KIF4A: variants seen among roughly 807,000 people sequenced by gnomAD.
KIF4A encodes the protein chromosome-associated kinesin KIF4A.
Under a neutral mutation model 105.9 loss-of-function variants are expected in KIF4A, and 7 were observed. The ratio of observed to expected loss-of-function variants is 0.07; its 90% CI spans 0.04 to 0.12. The LOEUF is 0.12. KIF4A is among the 10% of genes least tolerant of loss of function. The probability of loss-of-function intolerance (pLI) is 1.00; values close to 1 mark genes in which losing one functional copy is unlikely to be tolerated. For synonymous variants in KIF4A, 281 were observed against 331.3 expected (o/e 0.85, Z 1.65); for missense variants, 558 against 929.2 (o/e 0.60, Z 5.19).
In KIF4A at chrX:70,352,338, CAGG is replaced by C. The variant is rs1441442018; in HGVS notation, c.1432-259_1432-257del. Among the ~76,000 whole-genome samples the C allele has an allele frequency of 2.2e-4, 24 of 111,295 alleles. 1 individual carries two copies. In the Admixed American group the frequency reaches 2.2e-3, roughly 10 times the overall value. On this transcript the variant is annotated intron_variant, in intron 13 of 30. Coordinates refer to ENST00000374403, the MANE Select transcript of KIF4A (RefSeq NM_012310.5). Reference sequence around the variant, plus strand: ...TCTGGCCCAAATGTCTCTGGCAGGGCAGGAGAAGTGCAAGAAATATGTCAGTTG... The same window carrying C: ...TCTGGCCCAAATGTCTCTGGCAGGGCAGAAGTGCAAGAAATATGTCAGTTG...
intron 15 of KIF4A, among the ~76,000 whole-genome samples, chrX:70,369,268 T>C (rs967255543): frequency 2.7e-5 from 3 of 112,195 alleles, no homozygotes; most frequent in Non-Finnish European, 5.6e-5. Flanking sequence ...GCACCCACTC[T>C]CTGACAATCC....
intron 27 of KIF4A, 77 bp from the exon 28 acceptor site, chrX:70,406,816 C>G (rs778821437): frequency 3.7e-5 from 37 of 1,009,438 alleles, no homozygotes; most frequent in Non-Finnish European, 5.0e-5. Context: ...CTGGCAACAG[C>G]TACTGGGAAG....
chrX:70,330,204 C>T lies in KIF4A; in HGVS notation c.943C>T (p.Pro315Ser). ...SHTLMIACVS[P>S]ADSNLEETLN... ...TACTCTTATGATAGCCTGTGTGAGT[C>T]CTGCTGACTCCAATCTAGAGGAAAC... The change falls in exon 9 of 31, where the codon CCT (proline) becomes TCT (serine). Residue 315 changes from proline (P) to serine (S), a missense_variant. Pro to Ser is a moderately conservative substitution (Grantham distance 74). Around this residue, in one of 2 missense-constraint regions of KIF4A, gnomAD observed 89 missense variants for 248.8 expected, o/e 0.36. Transcript: ENST00000374403. 8.3e-7 allele frequency: 1 copy of T among 1,209,768 alleles called. No homozygotes were observed. The highest frequency in any genetic ancestry group is 1.1e-6 in the Non-Finnish European group (1 of 894,324).
At chrX:70,337,531 A>G (rs1007384845) in intron 10 of KIF4A, among the ~76,000 whole-genome samples, 2 of 110,937 alleles carry the variant, frequency 1.8e-5, no homozygotes, top group Admixed American at 1.9e-4. Flanking sequence ...TTAGCTAGGT[A>G]TGATGGTGTG....
In KIF4A at chrX:70,404,037, A is replaced by G. The variant is rs777267542; in HGVS notation, c.2790+3A>G. ...TGGAGCAACAGCACCAAGAGAAGGT[A>G]AACTCTAGCAAGTCAAGAAGCTATA... On this transcript the variant is annotated splice_donor_region_variant and intron_variant, in intron 24 of 30. Transcript: ENST00000374403. The G allele has an allele frequency of 9.1e-6, 11 of 1,209,692 alleles. No individual in the cohort carries two copies. Among genetic ancestry groups the G allele is most frequent in the Non-Finnish European group, 1.2e-5 (11 of 893,624 alleles).
At chrX:70,398,958 C>T (rs894637486) in intron 22 of KIF4A, among the ~76,000 whole-genome samples, 66 of 111,971 alleles carry the variant, frequency 5.9e-4, no homozygotes, top group African/African-American at 2.1e-3. Flanking sequence ...AAAGCAGTGG[C>T]ACCAACCTGA....
intron 7 of KIF4A, among the ~76,000 whole-genome samples, chrX:70,319,553 G>A (rs2085882931): frequency 8.9e-6 from 1 of 111,862 alleles, no homozygotes; most frequent in South Asian, 3.7e-4. Flanking sequence ...CTGTTTCTGA[G>A]TATTCTATTA....
intron 15 of KIF4A, among the ~76,000 whole-genome samples, chrX:70,368,130 G>A (rs1020171628): frequency 9.0e-6 from 1 of 111,648 alleles, no homozygotes; most frequent in Non-Finnish European, 1.9e-5. Flanking sequence ...CTCTGCATTG[G>A]TTATTCTAGT....
Position 70,302,476 on chromosome X carries a change from G to A in KIF4A, c.778+78G>A. 6.2e-6 allele frequency: 6 copies of A among 968,572 alleles called. No homozygotes were observed. In the South Asian group the frequency reaches 1.1e-4, roughly 18 times the overall value. 79.8% of individuals were successfully genotyped at this position (968,572 alleles called of 1,213,427 possible). Reference sequence around the variant, plus strand: ...GTTGGTATTGTTGGTGTTTTCGACTGGGATTTGAGATCACATTCTAACAGT... The same window carrying A: ...GTTGGTATTGTTGGTGTTTTCGACTAGGATTTGAGATCACATTCTAACAGT... On this transcript the variant is annotated intron_variant, in intron 7 of 30. Transcript: ENST00000374403.
chrX:70,350,316 C>T (rs748066659), intron 13 of KIF4A, among the ~76,000 whole-genome samples: 391 of 111,891 alleles, frequency 3.5e-3, no homozygotes, highest in Non-Finnish European at 5.8e-3. Context: ...GAAACCCCGT[C>T]TCCACCAAAA....
chrX:70,311,591 A>G (rs755092774), intron 7 of KIF4A, among the ~76,000 whole-genome samples: 3 of 111,825 alleles, frequency 2.7e-5, no homozygotes, highest in Non-Finnish European at 5.6e-5. Flanking sequence ...TCCCTCTGAT[A>G]TTATTTGAAA....
chrX:70,366,210 C>T (rs984578853), intron 15 of KIF4A, among the ~76,000 whole-genome samples: 6 of 111,344 alleles, frequency 5.4e-5, no homozygotes, highest in Admixed American at 3.8e-4. Flanking sequence ...CTCCTGGATT[C>T]ATTGATTTTT....
intron 22 of KIF4A, among the ~76,000 whole-genome samples, chrX:70,400,464 C>T (rs1466927866): frequency 2.7e-5 from 3 of 111,399 alleles, no homozygotes; most frequent in Non-Finnish European, 5.6e-5. Context: ...AAGGAGGTAC[C>T]GCTTGTTGAG....
intron 9 of KIF4A, 142 bp from the exon 10 acceptor site, chrX:70,333,486 A>G: frequency 2.2e-6 from 1 of 446,354 alleles, no homozygotes. Flanking sequence ...TGCCTTTGGT[A>G]GTATCTAAGG....
chrX:70,406,428 A>C lies in KIF4A; in HGVS notation c.3072+74A>C. 4 of 830,948 alleles carry C rather than the reference A, an allele frequency of 4.8e-6. No individual in the cohort carries two copies. In the South Asian group the frequency reaches 9.5e-5, roughly 20 times the overall value. 68.5% of individuals were successfully genotyped at this position (830,948 alleles called of 1,213,427 possible). A position where few individuals can be genotyped will look rare whatever the true frequency, so the allele number is the denominator to read the frequency against. ...TGAGTGTGCTAAAATTGCCCTTTAT[A>C]AGAGGTTGACAGTTAAAATTCCCAA... On this transcript the variant is annotated intron_variant, in intron 27 of 30. Coordinates refer to ENST00000374403, the MANE Select transcript of KIF4A (RefSeq NM_012310.5).
rs748166090 is a variant in KIF4A at position 70,398,210 on chromosome X, G to A, written c.2489+2161G>A. On this transcript the variant is annotated intron_variant, in intron 22 of 30. Transcript: ENST00000374403. ...ATGGCACCATGCCTGGCTAATTTTT[G>A]TATTTTTAGTAGAGACAGGGTTTCA... is the stretch of plus-strand genomic sequence containing the variant. Among the ~76,000 whole-genome samples, 3 of 111,396 alleles carry A rather than the reference G, an allele frequency of 2.7e-5. No individual in the cohort carries two copies. In the East Asian group the frequency reaches 8.5e-4, roughly 32 times the overall value.
intron 13 of KIF4A, among the ~76,000 whole-genome samples, chrX:70,348,404 G>C (rs1011237737): frequency 9.0e-6 from 1 of 111,233 alleles, no homozygotes; most frequent in African/African-American, 3.3e-5. Context: ...CTCAGAGAGG[G>C]GGATGTGGCA....
intron 16 of KIF4A, among the ~76,000 whole-genome samples, chrX:70,374,758 C>T (rs141853336): frequency 0.017 from 1,861 of 112,058 alleles, 36 homozygotes; most frequent in African/African-American, 0.057. Flanking sequence ...TCCTACTCTC[C>T]TTCAGACCTC....
In KIF4A at chrX:70,341,850, G is replaced by A. The variant is rs750172713; in HGVS notation, c.1185G>A (p.Leu395=). Residue 395 remains leucine (L), a synonymous_variant, in exon 11 of 31, where the codon CTG becomes CTA. Coordinates refer to ENST00000374403, the MANE Select transcript of KIF4A (RefSeq NM_012310.5). ...LQSLMEKNQS[L]VEENEKLSRG... is the part of the protein sequence containing the mutation. The stretch of plus-strand genomic sequence containing the variant: ...CCCTGATGGAGAAGAATCAGTCCCT[G>A]GTAGAGGAGAATGAAAAATTAAGTC... The A allele has an allele frequency of 1.7e-6, 2 of 1,211,478 alleles. No homozygotes were observed. The highest frequency in any genetic ancestry group is 3.5e-5 in the South Asian group (2 of 56,925).
Sources: allele counts gnomAD v4.1 joint callset (sites outside exome capture counted in the v4.1 genomes callset), GRCh38; gene constraint gnomAD v4.1.1; regional missense constraint gnomAD v4.1.1; transcripts MANE v1.5; gene names NCBI Gene and HGNC (gene_info 2026-07-23, HGNC 2026-07-21).